The following KPNA3 variants were observed in gnomAD, a reference collection of about 807,000 sequenced individuals.
KPNA3 encodes importin subunit alpha-4.
In KPNA3, 13 loss-of-function variants were observed where a neutral mutation model predicts 73.8. The observed-to-expected ratio is 0.18, with a 90% CI of 0.11 to 0.28. The LOEUF (loss-of-function observed/expected upper bound fraction) is 0.28. KPNA3 is among the 10% of genes least tolerant of loss of function. The probability of loss-of-function intolerance (pLI) is 1.00; values close to 1 mark genes in which losing one functional copy is unlikely to be tolerated. For missense variants in KPNA3, 360 were observed against 618.1 expected, an observed-to-expected ratio of 0.58 and a Z score of 4.43; for synonymous variants, 186 against 206.9, an observed-to-expected ratio of 0.90 and a Z score of 0.87.
At chr13:49,731,253 T>C (rs967118838) in intron 6 of KPNA3, among the ~76,000 whole-genome samples, 15 of 144,252 alleles carry the variant, frequency 1.0e-4, no homozygotes, top group Non-Finnish European at 2.3e-4. Context: ...TTTCGTGTTT[T>C]TTTTTTTTTT....
intron 1 of KPNA3, among the ~76,000 whole-genome samples, chr13:49,761,488 G>C (rs1566354478): frequency 6.6e-6 from 1 of 152,278 alleles, no homozygotes; most frequent in Non-Finnish European, 1.5e-5. Context: ...TGATCTGCCA[G>C]CCTCGGCCTC....
At chr13:49,743,775 A>C (rs1954593641) in intron 2 of KPNA3, among the ~76,000 whole-genome samples, 1 of 152,118 alleles carries the variant, frequency 6.6e-6, no homozygotes, top group Non-Finnish European at 1.5e-5. Context: ...AAAATGATTA[A>C]ACAAGAGGAG....
intron 1 of KPNA3, among the ~76,000 whole-genome samples, chr13:49,770,380 T>G (rs1450443205): frequency 2.6e-5 from 4 of 151,880 alleles, no homozygotes; most frequent in African/African-American, 9.7e-5. Context: ...CTCACTACAC[T>G]GTTTAGGCTG....
intron 11 of KPNA3, among the ~76,000 whole-genome samples, chr13:49,710,108 C>G (rs1386907556): frequency 6.6e-6 from 1 of 152,020 alleles, no homozygotes; most frequent in Non-Finnish European, 1.5e-5. Context: ...ACTAGAAATA[C>G]AAAAATTAGC....
At chr13:49,760,103 AAT>A (rs1296302605) in intron 1 of KPNA3, among the ~76,000 whole-genome samples, 1 of 152,184 alleles carries the variant, frequency 6.6e-6, no homozygotes, top group Non-Finnish European at 1.5e-5. Flanking sequence ...ACAGAGGGCC[AAT>A]ACACATGTCA....
intron 2 of KPNA3, among the ~76,000 whole-genome samples, chr13:49,741,320 T>C (rs969434836): frequency 6.6e-6 from 1 of 152,248 alleles, no homozygotes; most frequent in Admixed American, 6.5e-5. Flanking sequence ...TTTTTGATAA[T>C]GGTTATTCTA....
intron 1 of KPNA3, among the ~76,000 whole-genome samples, chr13:49,758,785 C>T (rs1334788733): frequency 7.9e-5 from 12 of 152,074 alleles, no homozygotes; most frequent in Non-Finnish European, 1.5e-5. Flanking sequence ...TACATACACA[C>T]ACACACAAAA....
chr13:49,735,311 G>A (rs1395247219), intron 2 of KPNA3, among the ~76,000 whole-genome samples: 3 of 152,004 alleles, frequency 2.0e-5, no homozygotes, highest in Non-Finnish European at 2.9e-5. Flanking sequence ...TAGTAGAGAC[G>A]GGGTTTCTCC....
intron 10 of KPNA3, among the ~76,000 whole-genome samples, chr13:49,713,634 AACACAC>A (rs66994650): frequency 0.029 from 4,125 of 140,836 alleles, 153 homozygotes; most frequent in African/African-American, 0.09. Context: ...TCTTAGGTGA[AACACAC>A]ACACACACAC....
intron 1 of KPNA3, among the ~76,000 whole-genome samples, chr13:49,789,788 T>C (rs1955017775): frequency 6.6e-6 from 1 of 152,166 alleles, no homozygotes; most frequent in South Asian, 2.1e-4. Context: ...TCAGGACTCT[T>C]CAATTACTGC....
intron 12 of KPNA3, among the ~76,000 whole-genome samples, chr13:49,709,315 C>T (rs535951675): frequency 4.0e-5 from 6 of 149,690 alleles, no homozygotes; most frequent in African/African-American, 1.2e-4. Flanking sequence ...GCAGGAGAAT[C>T]GCTTGAACCC....
intron 1 of KPNA3, among the ~76,000 whole-genome samples, chr13:49,749,646 C>T (rs1306403287): frequency 2.6e-5 from 4 of 152,192 alleles, no homozygotes; most frequent in East Asian, 3.9e-4. Context: ...ACCCATGAAA[C>T]GAACCATATG....
chr13:49,782,065 G>C (rs1954945402), intron 1 of KPNA3, among the ~76,000 whole-genome samples: 1 of 152,148 alleles, frequency 6.6e-6, no homozygotes, highest in Non-Finnish European at 1.5e-5. Flanking sequence ...TTAAATGCCA[G>C]GGACAAATTA....
chr13:49,714,674 A>G (rs2137538407), intron 10 of KPNA3, among the ~76,000 whole-genome samples: 1 of 152,278 alleles, frequency 6.6e-6, no homozygotes, highest in East Asian at 1.9e-4. Flanking sequence ...AGTACAGAAA[A>G]TGAAGGAAGC....
intron 1 of KPNA3, among the ~76,000 whole-genome samples, chr13:49,751,547 T>C (rs1954663533): frequency 6.6e-6 from 1 of 152,132 alleles, no homozygotes; most frequent in Admixed American, 6.6e-5. Context: ...ATTTTTTTCA[T>C]CTCTTGGCAT....
chr13:49,762,008 G>A (rs1222069222), intron 1 of KPNA3, among the ~76,000 whole-genome samples: 10 of 125,470 alleles, frequency 8.0e-5, no homozygotes, highest in Admixed American at 3.1e-4. Context: ...CCCAGCAGCC[G>A]CCCCGTCTGT....
intron 7 of KPNA3, among the ~76,000 whole-genome samples, chr13:49,722,951 A>C (rs547402496): frequency 8.1e-4 from 123 of 152,064 alleles, no homozygotes; most frequent in Non-Finnish European, 1.6e-3. Context: ...GATTAATCTC[A>C]TATCAGGTCT....
chr13:49,713,584 C>T (rs1041966553), intron 10 of KPNA3, among the ~76,000 whole-genome samples: 1 of 143,648 alleles, frequency 7.0e-6, no homozygotes, highest in African/African-American at 2.6e-5. Context: ...ACCAAAAAGG[C>T]TTTTCTATAT....
chr13:49,754,290 G>C (rs926160699), intron 1 of KPNA3, among the ~76,000 whole-genome samples: 43 of 152,160 alleles, frequency 2.8e-4, no homozygotes, highest in African/African-American at 9.2e-4. Context: ...GACAGAACAA[G>C]ACTCCATCTC....
Sources: gnomAD v4.1 joint callset for allele counts (sites outside exome capture counted in the v4.1 genomes callset) on GRCh38, gnomAD v4.1.1 for gene constraint, MANE v1.5 for transcripts, NCBI Gene and HGNC (gene_info 2026-07-23, HGNC 2026-07-21) for gene names.